ROBO2: variants seen among roughly 807,000 people sequenced by gnomAD.
The protein encoded by ROBO2 is roundabout guidance receptor 2.
Under a neutral mutation model 160.8 loss-of-function variants are expected in ROBO2, and 53 were observed. The ratio of observed to expected loss-of-function variants is 0.33; its 90% CI spans 0.26 to 0.41. The LOEUF (loss-of-function observed/expected upper bound fraction) is 0.41. Ranked by LOEUF, ROBO2 falls within the 10% of genes least tolerant of loss-of-function variation. The pLI is 1.00. For missense variants in ROBO2, 1,577 were observed against 1,722.4 expected (o/e 0.92, Z 1.49); for synonymous variants, 664 against 611.7 (o/e 1.09, Z -1.26).
At position 76,296,764 on chromosome 3, in the gene ROBO2, T is replaced by C. The variant is rs1709096560; in HGVS notation, c.109+359162T>C. 2.0e-5 allele frequency among the ~76,000 whole-genome samples: 3 copies of C among 152,210 alleles called. No homozygotes were observed. In the South Asian group the frequency reaches 6.2e-4, roughly 32 times the overall value. On this transcript the variant is annotated intron_variant, in intron 2 of 26. Coordinates refer to the ROBO2 transcript ENST00000487694. ...ACTGCATATGGTGCCAGTGTCTAAC[T>C]AACTTGCCGAATATTTGTGTACTTA...
chr3:76,918,224 G>C (rs1203841005), intron 2 of ROBO2, among the ~76,000 whole-genome samples: 1 of 152,162 alleles, frequency 6.6e-6, no homozygotes, highest in Non-Finnish European at 1.5e-5. Context: ...TTGGATCACG[G>C]AGGTGGTTTC....
At chr3:76,390,474 G>A (rs1263456008) in intron 2 of ROBO2, among the ~76,000 whole-genome samples, 1 of 152,046 alleles carries the variant, frequency 6.6e-6, no homozygotes, top group African/African-American at 2.4e-5. Context: ...CTTTTTAGAT[G>A]ATATTACTTA....
intron 2 of ROBO2, among the ~76,000 whole-genome samples, chr3:76,531,891 C>T (rs2082251106): frequency 6.6e-6 from 1 of 152,080 alleles, no homozygotes; most frequent in Admixed American, 6.5e-5. Flanking sequence ...TCCCCAACTC[C>T]CAAAACAGGT....
intron 2 of ROBO2, among the ~76,000 whole-genome samples, chr3:76,023,326 C>T (rs2066631200): frequency 6.6e-6 from 1 of 151,708 alleles, no homozygotes; most frequent in Non-Finnish European, 1.5e-5. Flanking sequence ...TAGCTTTTAG[C>T]CTCTCTCAGC....
chr3:76,033,716 A>T (rs2067005855), intron 2 of ROBO2, among the ~76,000 whole-genome samples: 1 of 152,210 alleles, frequency 6.6e-6, no homozygotes. Context: ...CCATGATTGA[A>T]TGGTTTTGGC....
Position 76,941,794 on chromosome 3 carries a change from T to C in ROBO2, c.110-156220T>C, listed in dbSNP as rs530501019. Among the ~76,000 whole-genome samples, 16 of 152,322 alleles carry C rather than the reference T, an allele frequency of 1.1e-4. No homozygotes were observed. In the South Asian group the frequency reaches 3.3e-3, roughly 32 times the overall value. On this transcript the variant is annotated intron_variant, in intron 2 of 26. Transcript: ENST00000487694. ...GAGCACCAGAACTTGATCACTGCTG[T>C]GGTTACCGGAACATAATCCAAGGCC...
rs922816933 is a variant in ROBO2, at chr3:76,627,244, C to G, written c.110-470770C>G. ...CTCTCTTATGGGGCTTAATTTTACT[C>G]TCTCTACACTGTAACCTCACCCTCT... is the stretch of plus-strand genomic sequence containing the variant. On this transcript the variant is annotated intron_variant, in intron 2 of 26. Transcript: ENST00000487694. Among the ~76,000 whole-genome samples the G allele has an allele frequency of 2.0e-5, 3 of 152,166 alleles. No homozygotes were observed. In the East Asian group the frequency reaches 5.8e-4, roughly 29 times the overall value.
chr3:77,320,798 T>C (rs1018146873), intron 2 of ROBO2, among the ~76,000 whole-genome samples: 4 of 152,188 alleles, frequency 2.6e-5, no homozygotes, highest in African/African-American at 9.6e-5. Flanking sequence ...TAAAAAAATA[T>C]ATTTTTTGTT....
intron 2 of ROBO2, among the ~76,000 whole-genome samples, chr3:77,104,561 G>T (rs2072522956): frequency 6.6e-6 from 1 of 152,004 alleles, no homozygotes; most frequent in Admixed American, 6.5e-5. Flanking sequence ...GTGCACATAT[G>T]GTTTCATTTG....
chr3:76,260,176 G>A (rs778952381), intron 2 of ROBO2, among the ~76,000 whole-genome samples: 4 of 152,042 alleles, frequency 2.6e-5, no homozygotes, highest in Non-Finnish European at 4.4e-5. Context: ...AAGTGTATGC[G>A]GAATCCCAGT....
At chr3:76,349,646 T>C (rs1369770076) in intron 2 of ROBO2, among the ~76,000 whole-genome samples, 2 of 152,134 alleles carry the variant, frequency 1.3e-5, no homozygotes, top group African/African-American at 4.8e-5. Flanking sequence ...GATTTCACGT[T>C]ACTTGCAAGC....
chr3:77,551,128 CT>C, intron 8 of ROBO2, 139 bp downstream of exon 9: 1 of 889,068 alleles, frequency 1.1e-6, no homozygotes, highest in Non-Finnish European at 1.8e-6. Context: ...AGGTCACATT[CT>C]TTTGGTAGTT....
intron 2 of ROBO2, among the ~76,000 whole-genome samples, chr3:76,405,982 T>C (rs2078102915): frequency 6.6e-6 from 1 of 151,734 alleles, no homozygotes; most frequent in African/African-American, 2.4e-5. Context: ...TTCCTAATAT[T>C]ATAAGCTTTT....
chr3:76,383,144 A>T (rs1034751635), intron 2 of ROBO2, among the ~76,000 whole-genome samples: 2 of 152,170 alleles, frequency 1.3e-5, no homozygotes, highest in African/African-American at 4.8e-5. Context: ...AACAGAAAAT[A>T]GTGTTCTAAA....
At chr3:77,152,959 T>C (rs945412814) in intron 2 of ROBO2, among the ~76,000 whole-genome samples, 1 of 152,190 alleles carries the variant, frequency 6.6e-6, no homozygotes, top group African/African-American at 2.4e-5. Context: ...TGACAACCAC[T>C]GATCTACTCT....
chr3:76,178,715 TG>T (rs938599896), intron 2 of ROBO2, among the ~76,000 whole-genome samples: 2 of 151,928 alleles, frequency 1.3e-5, no homozygotes, highest in Non-Finnish European at 2.9e-5. Flanking sequence ...AAGGCCGAGG[TG>T]GGGGGATTAC....
intron 2 of ROBO2, among the ~76,000 whole-genome samples, chr3:77,159,468 CCCAGCTCTT>C (rs1465714095): frequency 1.3e-5 from 2 of 151,858 alleles, no homozygotes; most frequent in African/African-American, 4.9e-5. Flanking sequence ...GCAGTCCTTA[CCCAGCTCTT>C]CCATAGTGGA....
chr3:77,129,246 A>T (rs1028137500), intron 2 of ROBO2, among the ~76,000 whole-genome samples: 13 of 152,040 alleles, frequency 8.6e-5, no homozygotes, highest in Middle Eastern at 3.2e-3. Context: ...GTACAGTGGG[A>T]TGTTTTGATA....
chr3:77,014,412 G>T (rs920961816), intron 2 of ROBO2, among the ~76,000 whole-genome samples: 1 of 152,178 alleles, frequency 6.6e-6, no homozygotes, highest in Non-Finnish European at 1.5e-5. Context: ...CCAGGGCTAT[G>T]CTTGAATAGA....
Sources: allele counts gnomAD v4.1 joint callset (sites outside exome capture counted in the v4.1 genomes callset), GRCh38; gene constraint gnomAD v4.1.1; transcripts MANE v1.5; gene names NCBI Gene and HGNC (gene_info 2026-07-23, HGNC 2026-07-21).